Variants in SYN2 observed in about 807,000 individuals in gnomAD.
SYN2 encodes the protein synapsin II, also known as synapsin-2.
Under a neutral mutation model 50.9 loss-of-function variants are expected in SYN2, and 19 were observed. The ratio of observed to expected loss-of-function variants is 0.37; its 90% CI spans 0.26 to 0.55. The LOEUF is 0.55. SYN2 is among the 20% of genes least tolerant of loss of function. The pLI is 0.81. For synonymous variants in SYN2, 255 were observed against 224.9 expected (o/e 1.13, Z -1.20); for missense variants, 587 against 576.4 (o/e 1.02, Z -0.19).
intron 1 of SYN2, among the ~76,000 whole-genome samples, chr3:12,099,163 A>G (rs1269923603): frequency 6.6e-6 from 1 of 152,146 alleles, no homozygotes; most frequent in African/African-American, 2.4e-5. Flanking sequence ...GATTATCTAG[A>G]CAGAATATCA....
chr3:12,006,868 A>G (rs1307841706), intron 1 of SYN2, among the ~76,000 whole-genome samples: 1 of 152,236 alleles, frequency 6.6e-6, no homozygotes, highest in Non-Finnish European at 1.5e-5. Flanking sequence ...AGAAAGCTTC[A>G]CAAAAGATGA....
At chr3:12,048,853 A>T (rs1294376388) in intron 1 of SYN2, among the ~76,000 whole-genome samples, 2 of 152,238 alleles carry the variant, frequency 1.3e-5, no homozygotes, top group African/African-American at 4.8e-5. Flanking sequence ...ACCCCTGCTG[A>T]TAATCACTGT....
intron 11 of SYN2, chr3:12,184,431 G>A (rs1266580935): frequency 3.0e-6 from 3 of 985,800 alleles, no homozygotes; most frequent in Non-Finnish European, 3.6e-6. Flanking sequence ...AGCTACTGAA[G>A]GTCTGTCAGG....
At chr3:12,087,224 A>G (rs1695721382) in intron 1 of SYN2, among the ~76,000 whole-genome samples, 1 of 152,226 alleles carries the variant, frequency 6.6e-6, no homozygotes, top group African/African-American at 2.4e-5. Context: ...GACACAATAA[A>G]TGGAAAGATA....
chr3:12,180,673 G>A (rs984799865), intron 10 of SYN2, among the ~76,000 whole-genome samples: 1 of 152,156 alleles, frequency 6.6e-6, no homozygotes, highest in Non-Finnish European at 1.5e-5. Flanking sequence ...TGGAGCCGGG[G>A]CCAAGAGAAG....
chr3:12,069,041 T>G, intron 1 of SYN2, among the ~76,000 whole-genome samples: 1 of 152,226 alleles, frequency 6.6e-6, no homozygotes, highest in Non-Finnish European at 1.5e-5. Context: ...TGTCATTGGC[T>G]TTTTTCACTT....
At chr3:12,091,548 T>A (rs1382746737) in intron 1 of SYN2, among the ~76,000 whole-genome samples, 1 of 152,184 alleles carries the variant, frequency 6.6e-6, no homozygotes, top group African/African-American at 2.4e-5. Context: ...AGTGACTTAT[T>A]TGAGATCACA....
Position 12,168,394 on chromosome 3 carries a change from C to A in SYN2, c.1074C>A (p.Asp358Glu). The A allele has an allele frequency of 6.2e-7, 1 of 1,613,716 alleles. No homozygotes were observed. The highest frequency in any genetic ancestry group is 8.5e-7 in the Non-Finnish European group (1 of 1,179,828). The change falls in exon 9 of 13, where the codon GAC (aspartate) becomes GAA (glutamate). Residue 358 changes from aspartate (D) to glutamate (E), a missense_variant. Physicochemically the swap from Asp to Glu is conservative, Grantham distance 45 (BLOSUM62 2). Coordinates refer to ENST00000621198, the MANE Select transcript of SYN2 (RefSeq NM_133625.6). ...CCTCCAGGTACAAACTGTGGGTGGACACCTGCTCTGAGATGTTTGGCGGCC... is the reference window on the plus strand; with the variant it reads ...CCTCCAGGTACAAACTGTGGGTGGAAACCTGCTCTGAGATGTTTGGCGGCC... The part of the protein sequence containing the change: ...AMSDRYKLWV[D>E]TCSEMFGGLD...
chr3:12,005,927 G>A (rs1198426843), intron 1 of SYN2, among the ~76,000 whole-genome samples: 1 of 151,434 alleles, frequency 6.6e-6, no homozygotes, highest in East Asian at 1.9e-4. Flanking sequence ...GATAGGTGAA[G>A]GGCTTGGAGA....
At chr3:12,129,564 A>G (rs1374878261) in intron 1 of SYN2, among the ~76,000 whole-genome samples, 1 of 151,816 alleles carries the variant, frequency 6.6e-6, no homozygotes, top group Non-Finnish European at 1.5e-5. Flanking sequence ...TCTGTGTAAC[A>G]TGGTGGGGAG....
chr3:12,044,465 C>T (rs1244015723), intron 1 of SYN2, among the ~76,000 whole-genome samples: 17 of 152,004 alleles, frequency 1.1e-4, no homozygotes, highest in Admixed American at 9.8e-4. Context: ...AATTATTTTG[C>T]TCTGTGATCA....
At chr3:12,042,067 G>C (rs1445766767) in intron 1 of SYN2, among the ~76,000 whole-genome samples, 44 of 152,058 alleles carry the variant, frequency 2.9e-4, no homozygotes, top group South Asian at 2.1e-4. Flanking sequence ...TCTATTTTTT[G>C]TATATTAGCG....
chr3:12,049,082 A>T (rs1242583325), intron 1 of SYN2, among the ~76,000 whole-genome samples: 1 of 152,178 alleles, frequency 6.6e-6, no homozygotes, highest in Non-Finnish European at 1.5e-5. Flanking sequence ...TTTCTCATTC[A>T]TTGAGCACAT....
intron 1 of SYN2, among the ~76,000 whole-genome samples, chr3:12,086,958 C>T (rs1159477612): frequency 6.6e-6 from 1 of 151,948 alleles, no homozygotes; most frequent in Non-Finnish European, 1.5e-5. Flanking sequence ...TTTAAAAATC[C>T]TAAAGACTCC....
intron 1 of SYN2, among the ~76,000 whole-genome samples, chr3:12,050,751 C>T (rs1195493413): frequency 2.4e-3 from 93 of 39,040 alleles, no homozygotes; most frequent in African/African-American, 4.3e-3. Context: ...TTTTTTGAGA[C>T]GGAGTCTCGC....
chr3:12,145,693 A>G lies in SYN2; in HGVS notation c.542A>G (p.Asp181Gly). 2 of 1,614,008 alleles carry G rather than the reference A, an allele frequency of 1.2e-6. No homozygotes were observed. Among genetic ancestry groups the G allele is most frequent in the Non-Finnish European group, 1.7e-6 (2 of 1,179,870 alleles). The change falls in exon 4 of 13, where the codon GAC becomes GGC. Residue 181 changes from aspartate (D) to glycine (G), a missense_variant. Physicochemically the swap from Asp to Gly is moderately conservative, Grantham distance 94. Transcript: ENST00000621198. ...GTKVVRSFRP[D>G]FVLIRQHAFG... is the part of the protein sequence containing the mutation. ...CTTCTCACCAGGTCCTTCCGGCCAG[A>G]CTTCGTGCTCATCCGGCAGCATGCA...
At chr3:12,064,430 A>G (rs1265578539) in intron 1 of SYN2, among the ~76,000 whole-genome samples, 1 of 152,124 alleles carries the variant, frequency 6.6e-6, no homozygotes. Context: ...TGTGCTTCAA[A>G]TGATACTATA....
intron 1 of SYN2, among the ~76,000 whole-genome samples, chr3:12,104,433 A>T (rs1696135947): frequency 6.6e-6 from 1 of 152,154 alleles, no homozygotes; most frequent in Non-Finnish European, 1.5e-5. Flanking sequence ...AAGCATCAAA[A>T]AATCAGTAAA....
intron 1 of SYN2, among the ~76,000 whole-genome samples, chr3:12,022,399 A>G (rs1014672188): frequency 6.6e-6 from 1 of 151,290 alleles, no homozygotes; most frequent in Admixed American, 6.6e-5. Context: ...CTAGGAAGTT[A>G]TTATTATTAT....
Sources: gnomAD v4.1 joint callset for allele counts (sites outside exome capture counted in the v4.1 genomes callset) on GRCh38, gnomAD v4.1.1 for gene constraint, MANE v1.5 for transcripts, NCBI Gene and HGNC (gene_info 2026-07-23, HGNC 2026-07-21) for gene names.